Variants in ACTN1 observed in about 807,000 individuals in gnomAD.
ACTN1 encodes the protein alpha-actinin-1.
ACTN1 carries 30 observed loss-of-function variants against 119.6 expected under a neutral mutation model. The ratio of observed to expected loss-of-function variants is 0.25; its 90% CI spans 0.19 to 0.34. The LOEUF is 0.34. Ranked by LOEUF, ACTN1 falls within the 10% of genes least tolerant of loss-of-function variation. The probability of loss-of-function intolerance (pLI) is 1.00; values close to 1 mark genes in which losing one functional copy is unlikely to be tolerated. For missense variants in ACTN1, 764 were observed against 1,223.4 expected, an observed-to-expected ratio of 0.62 and a Z score of 5.60; for synonymous variants, 429 against 472.6, an observed-to-expected ratio of 0.91 and a Z score of 1.20.
chr14:68,892,346 G>A (rs1301194208), intron 9 of ACTN1, 63 bp from the exon 10 acceptor site: 1 of 1,528,348 alleles, frequency 6.5e-7, no homozygotes, highest in Non-Finnish European at 8.9e-7. Flanking sequence ...GCTAGGGCCA[G>A]CCTCCCTTTC....
intron 4 of ACTN1, among the ~76,000 whole-genome samples, chr14:68,910,668 T>C (rs7157253): frequency 0.18 from 26,999 of 151,892 alleles, 3,229 homozygotes; most frequent in East Asian, 0.63. Context: ...CCCTGCTAGG[T>C]TTGTGCTGTG....
At chr14:68,962,232 A>G (rs913357865) in intron 1 of ACTN1, among the ~76,000 whole-genome samples, 8 of 152,114 alleles carry the variant, frequency 5.3e-5, no homozygotes, top group African/African-American at 1.9e-4. Flanking sequence ...TGGTCTGAGG[A>G]GGGGGTAGAG....
At position 68,910,017 on chromosome 14, in the gene ACTN1, G is replaced by A; in HGVS notation, c.453C>T (p.Leu151=). Residue 151 remains leucine, a synonymous_variant, in exon 5 of 22, where the codon CTC becomes CTT. Coordinates refer to ENST00000394419, the MANE Select transcript of ACTN1 (RefSeq NM_001130004.2). ...GGGCTGTCTTTCTCTGACACCACAG[G>A]AGCAGCCCTTCCTTGGCTGAAGTCT... ...VEETSAKEGL[L]LWCQRKTAPY... 3 of 1,613,980 alleles carry A rather than the reference G, an allele frequency of 1.9e-6. No individual in the cohort carries two copies. Among genetic ancestry groups the A allele is most frequent in the East Asian group, 2.2e-5 (1 of 44,878 alleles).
chr14:68,884,697 C>G, intron 13 of ACTN1, 78 bp downstream of exon 13: 1 of 1,264,006 alleles, frequency 7.9e-7, no homozygotes, highest in South Asian at 1.2e-5. Context: ...TAGCCCAAAG[C>G]AAAGAGAGTC....
At chr14:68,905,992 A>AC (rs2033643535) in intron 6 of ACTN1, among the ~76,000 whole-genome samples, 1 of 151,868 alleles carries the variant, frequency 6.6e-6, no homozygotes, top group Non-Finnish European at 1.5e-5. Flanking sequence ...CAAAAAAAAA[A>AC]AAAAAAACAG....
intron 1 of ACTN1, chr14:68,974,200 A>C (rs1426604301): frequency 6.5e-6 from 1 of 152,672 alleles, no homozygotes; most frequent in African/African-American, 2.4e-5. Context: ...TGTGGACTTG[A>C]GAATCTGGTC....
At chr14:68,922,482 C>T (rs756165950) in intron 2 of ACTN1, among the ~76,000 whole-genome samples, 1 of 152,072 alleles carries the variant, frequency 6.6e-6, no homozygotes, top group Non-Finnish European at 1.5e-5. Context: ...GGCACAGAGG[C>T]TCCCTCCCCA....
intron 8 of ACTN1, among the ~76,000 whole-genome samples, chr14:68,897,479 T>C (rs1287826524): frequency 6.6e-6 from 1 of 152,208 alleles, no homozygotes; most frequent in Non-Finnish European, 1.5e-5. Flanking sequence ...GCTACCCTAA[T>C]AATCAGCATC....
At position 68,877,147 on chromosome 14, in the gene ACTN1, C is replaced by T; in HGVS notation, c.2521G>A (p.Glu841Lys). 1 of 1,614,166 alleles carries T rather than the reference C, an allele frequency of 6.2e-7. No individual in the cohort carries two copies. The highest frequency in any genetic ancestry group is 8.5e-7 in the Non-Finnish European group (1 of 1,180,026). ...TCTGCTGTATCTGTGTCGGCTGTCT[C>T]GCGGGACATGAAGTCAATGAAGGCC... is the stretch of plus-strand genomic sequence containing the variant. The part of the protein sequence containing the change: ...FQAFIDFMSR[E>K]TADTDTADQV... Residue 841 changes from glutamate to lysine, a missense_variant, in exon 21 of 22, where the codon GAG becomes AAG. Physicochemically the swap from Glu to Lys is moderately conservative, Grantham distance 56. Transcript: ENST00000394419.
At chr14:68,924,384 C>T (rs986209689) in intron 2 of ACTN1, among the ~76,000 whole-genome samples, 1 of 152,244 alleles carries the variant, frequency 6.6e-6, no homozygotes, top group South Asian at 2.1e-4. Context: ...ACAGAAAGTG[C>T]ATGTCATCTG....
intron 2 of ACTN1, among the ~76,000 whole-genome samples, chr14:68,923,092 C>CAGGA (rs2034737666): frequency 2.0e-5 from 3 of 152,186 alleles, no homozygotes. Context: ...ACCTATGCAG[C>CAGGA]AGGAACACAC....
intron 1 of ACTN1, among the ~76,000 whole-genome samples, chr14:68,972,691 G>C (rs1001260853): frequency 6.6e-6 from 1 of 152,232 alleles, no homozygotes; most frequent in African/African-American, 2.4e-5. Flanking sequence ...ATAAGCGGCA[G>C]AGCAAAGTTG....
chr14:68,876,794 T>C (rs1183839226), intron 21 of ACTN1, among the ~76,000 whole-genome samples: 2 of 152,140 alleles, frequency 1.3e-5, no homozygotes, highest in Admixed American at 1.3e-4. Context: ...CGATCACACA[T>C]CCACACCACT....
At chr14:68,899,932 C>T (rs184785938) in intron 8 of ACTN1, among the ~76,000 whole-genome samples, 12 of 152,142 alleles carry the variant, frequency 7.9e-5, no homozygotes, top group African/African-American at 2.7e-4. Context: ...ACCCTGGCTG[C>T]GAGGGGCCAG....
chr14:68,964,891 G>C (rs1403566081), intron 1 of ACTN1, among the ~76,000 whole-genome samples: 1 of 152,146 alleles, frequency 6.6e-6, no homozygotes, highest in Non-Finnish European at 1.5e-5. Flanking sequence ...CCAGTCCCAG[G>C]AACATCAGAG....
At chr14:68,932,464 C>T (rs1437322199) in intron 1 of ACTN1, among the ~76,000 whole-genome samples, 2 of 148,328 alleles carry the variant, frequency 1.3e-5, no homozygotes, top group East Asian at 2.0e-4. Flanking sequence ...ATATATACAT[C>T]TATCTCATTA....
chr14:68,904,430 A>T (rs1594789492), intron 7 of ACTN1, among the ~76,000 whole-genome samples: 1 of 152,208 alleles, frequency 6.6e-6, no homozygotes, highest in African/African-American at 2.4e-5. Flanking sequence ...CGATGCAAGA[A>T]CAGCCCCTAA....
chr14:68,910,350 A>G (rs950700399), intron 4 of ACTN1, among the ~76,000 whole-genome samples: 32 of 152,184 alleles, frequency 2.1e-4, no homozygotes, highest in African/African-American at 7.5e-4. Context: ...ATGATACAAA[A>G]TAAGTCGGCA....
chr14:68,882,775 G>T lies in ACTN1; in HGVS notation c.1818+98C>A. 1 of 1,539,020 alleles carries T rather than the reference G, an allele frequency of 6.5e-7. No homozygotes were observed. Among genetic ancestry groups the T allele is most frequent in the South Asian group, 1.2e-5 (1 of 83,030 alleles). ...GACAAACAATGAGTGTTTACTATAT[G>T]ACAATTTTAAATGAAATTGACAAAA... On this transcript the variant is annotated intron_variant, in intron 15 of 21. Coordinates refer to ENST00000394419, the MANE Select transcript of ACTN1 (RefSeq NM_001130004.2). The surrounding 1 kb of genome is among the most constrained non-coding windows in gnomAD (Gnocchi z 4.5).
Sources: gnomAD v4.1 joint callset for allele counts (sites outside exome capture counted in the v4.1 genomes callset) on GRCh38, gnomAD v4.1.1 for gene constraint, Gnocchi (gnomAD v3.1) non-coding constraint, MANE v1.5 for transcripts, NCBI Gene and HGNC (gene_info 2026-07-23, HGNC 2026-07-21) for gene names.